Variants in ARHGEF16 observed in about 807,000 individuals in gnomAD.
ARHGEF16 encodes Rho guanine exchange factor (GEF) 16.
ARHGEF16 carries 59 observed loss-of-function variants against 74.1 expected under a neutral mutation model. That is an observed-to-expected ratio of 0.80 (90% confidence interval 0.65 to 0.99). ARHGEF16 has a LOEUF of 0.99. Ranked by LOEUF, ARHGEF16 falls within the 50% of genes least tolerant of loss-of-function variation. The pLI, the probability that ARHGEF16 is intolerant of heterozygous loss-of-function variation, is 0.00. For missense variants in ARHGEF16, 948 were observed against 986.6 expected (o/e 0.96, Z 0.52); for synonymous variants, 415 against 412.6 (o/e 1.01, Z -0.07).
intron 12 of ARHGEF16, among the ~76,000 whole-genome samples, chr1:3,479,044 G>C (rs1443577478): frequency 6.6e-6 from 1 of 152,238 alleles, no homozygotes; most frequent in Non-Finnish European, 1.5e-5. Context: ...TGGCCGGTAG[G>C]GGCCAGTTCA....
rs1215725646 is a variant in ARHGEF16 at position 3,480,746 on chromosome 1, A to G, written c.*159A>G. On this transcript the variant is annotated 3_prime_UTR_variant, in exon 15 of 15. Transcript: ENST00000378378. ...TGTGGTGCCGGGCTCCAGACACTTC[A>G]CGGAAGGAAGATCACATGTCCCCAG... is the stretch of plus-strand genomic sequence containing the variant. 3.9e-6 allele frequency: 4 copies of G among 1,032,914 alleles called. No individual in the cohort carries two copies. In the African/African-American group the frequency reaches 6.5e-5, roughly 17 times the overall value. 64.0% of individuals were successfully genotyped at this position (1,032,914 alleles called of 1,614,324 possible).
intron 10 of ARHGEF16, 67 bp downstream of exon 10, chr1:3,476,129 T>G: frequency 6.7e-7 from 1 of 1,483,106 alleles, no homozygotes; most frequent in Non-Finnish European, 9.1e-7. Context: ...CTGGCCTGCG[T>G]GTGAGGTCAC....
At chr1:3,472,447 C>CA (rs1275915841) in intron 6 of ARHGEF16, among the ~76,000 whole-genome samples, 6 of 152,238 alleles carry the variant, frequency 3.9e-5, no homozygotes, top group Non-Finnish European at 5.9e-5. Flanking sequence ...CTGGCCCCCC[C>CA]CCGGCCTTGA....
At chr1:3,466,907 G>A (rs374534097) in intron 3 of ARHGEF16, 7 of 404,006 alleles carry the variant, frequency 1.7e-5, no homozygotes, top group East Asian at 1.2e-4. Context: ...GATGCCCCAC[G>A]TCTCAGGGTA....
At chr1:3,480,318 GCT>G (rs1296458826) in intron 14 of ARHGEF16, 128 bp from the exon 15 acceptor site, 83 of 1,353,630 alleles carry the variant, frequency 6.1e-5, no homozygotes, top group Non-Finnish European at 6.5e-5. Flanking sequence ...GCAGCTGTCT[GCT>G]CTGAGCAGGA....
chr1:3,476,202 C>T (rs1639869239), intron 10 of ARHGEF16, 140 bp downstream of exon 10: 1 of 863,412 alleles, frequency 1.2e-6, no homozygotes, highest in Non-Finnish European at 1.8e-6. Context: ...GGCTGGGCCT[C>T]CTAGGGCTGG....
At chr1:3,462,932 G>A (rs971043990) in intron 1 of ARHGEF16, 134 bp from the exon 2 acceptor site, 7 of 554,286 alleles carry the variant, frequency 1.3e-5, no homozygotes, top group African/African-American at 7.5e-5. Flanking sequence ...TGGCTGCGTC[G>A]CTGTCCTTGC....
chr1:3,455,930 C>T (rs1639256281), intron 1 of ARHGEF16, among the ~76,000 whole-genome samples: 2 of 152,158 alleles, frequency 1.3e-5, no homozygotes, highest in Admixed American at 1.3e-4. Context: ...ATGCCCACAG[C>T]CAGCAGAGGG....
intron 1 of ARHGEF16, among the ~76,000 whole-genome samples, chr1:3,460,445 G>A (rs1639366258): frequency 6.6e-6 from 1 of 152,220 alleles, no homozygotes; most frequent in South Asian, 2.1e-4. Context: ...TTTGGGGGCT[G>A]TGGGGTCTTG....
chr1:3,478,425 G>T lies in ARHGEF16; in HGVS notation c.1627G>T (p.Glu543Ter), dbSNP rs1229060465. ...DVLVVTKKKS[E>*]ESYMVQDYAQ... ...CACCGACTGCCCGTGTCTCCACAGC[G>T]AGGAGAGCTACATGGTCCAGGACTA... Residue 543 changes from glutamate (E) to a stop codon, truncating the protein, a stop_gained and splice_region_variant, in exon 12 of 15, where the codon GAG (glutamate) becomes TAG (stop). Coordinates refer to ENST00000378378, the MANE Select transcript of ARHGEF16 (RefSeq NM_014448.4). LOFTEE classifies it high-confidence loss of function. The T allele has an allele frequency of 6.3e-7, 1 of 1,592,262 alleles. No individual in the cohort carries two copies.
chr1:3,464,635 G>A (rs1251022885), intron 2 of ARHGEF16, among the ~76,000 whole-genome samples: 1 of 152,204 alleles, frequency 6.6e-6, no homozygotes, highest in Non-Finnish European at 1.5e-5. Context: ...TTGGAAAACA[G>A]GCCCCAAGCA....
At chr1:3,480,210 C>T (rs1333684891) in intron 14 of ARHGEF16, among the ~76,000 whole-genome samples, 4 of 152,216 alleles carry the variant, frequency 2.6e-5, no homozygotes, top group South Asian at 2.1e-4. Context: ...CTCCTCATGC[C>T]GGGCAGCGCT....
intron 1 of ARHGEF16, among the ~76,000 whole-genome samples, chr1:3,456,252 A>C (rs552025986): frequency 1.3e-5 from 2 of 152,356 alleles, no homozygotes; most frequent in East Asian, 3.9e-4. Flanking sequence ...GAGGTGAAGC[A>C]GTGAGAAGCG....
At position 3,455,594 on chromosome 1, in the gene ARHGEF16, T is replaced by C. The variant is rs532077455; in HGVS notation, c.-20+783T>C. On this transcript the variant is annotated intron_variant, in intron 1 of 14. Transcript: ENST00000378378. ...ATGGCAGGTCTTGGTGACCTCTGCT[T>C]CTGACCTGAATCAAGGCCTGAATCT... is the stretch of plus-strand genomic sequence containing the variant. 3.9e-3 allele frequency among the ~76,000 whole-genome samples: 600 copies of C among 152,246 alleles called. 3 individuals are homozygous for C. The highest frequency in any genetic ancestry group is 0.014 in the African/African-American group (573 of 41,532).
chr1:3,477,787 T>A, intron 10 of ARHGEF16, 88 bp from the exon 11 acceptor site: 4 of 1,296,978 alleles, frequency 3.1e-6, no homozygotes, highest in Non-Finnish European at 3.3e-6. Context: ...GTGCTATGCG[T>A]CCTTGACCCC....
chr1:3,477,658 T>TA (rs1639924526), intron 10 of ARHGEF16, among the ~76,000 whole-genome samples: 2 of 23,728 alleles, frequency 8.4e-5, no homozygotes, highest in South Asian at 7.0e-3. Context: ...CAGGGTCTGG[T>TA]CCGGCCTGGC....
At chr1:3,473,053 C>T in intron 6 of ARHGEF16, 25 bp from the exon 7 acceptor site, 2 of 1,605,754 alleles carry the variant, frequency 1.2e-6, no homozygotes, top group Non-Finnish European at 1.7e-6. Flanking sequence ...CCCGTGGCAC[C>T]CTCCTCACCC....
rs542341349 is a variant in ARHGEF16 at position 3,463,147 on chromosome 1, G to C, written c.63G>C (p.Ser21=). The change falls in exon 2 of 15, where the codon TCG becomes TCC. Residue 21 remains serine, a synonymous_variant. Coordinates refer to ENST00000378378, the MANE Select transcript of ARHGEF16 (RefSeq NM_014448.4). ...EEKLLGHRFH[S]ELRLDAGGNP... ...AGCTCCTGGGACACCGCTTCCACTC[G>C]GAGCTCCGGCTCGATGCCGGGGGGA... 1 of 1,495,874 alleles carries C rather than the reference G, an allele frequency of 6.7e-7. No homozygotes were observed. Among genetic ancestry groups the C allele is most frequent in the Non-Finnish European group, 8.9e-7 (1 of 1,117,410 alleles). The allele number at this position is 1,495,874 out of a possible 1,614,324, so 92.7% of individuals were successfully genotyped here.
intron 2 of ARHGEF16, 70 bp from the exon 3 acceptor site, chr1:3,466,077 AG>A (rs1488867950): frequency 6.6e-7 from 1 of 1,518,442 alleles, no homozygotes; most frequent in Middle Eastern, 1.7e-4. Context: ...CTGGGGTCCC[AG>A]GGCAGAATCG....
Sources: allele counts gnomAD v4.1 joint callset (sites outside exome capture counted in the v4.1 genomes callset), GRCh38; gene constraint gnomAD v4.1.1; transcripts MANE v1.5; gene names NCBI Gene and HGNC (gene_info 2026-07-23, HGNC 2026-07-21).